The following ARPP21 variants were observed in gnomAD, a reference collection of about 807,000 sequenced individuals.
ARPP21 encodes the protein cAMP-regulated phosphoprotein 21.
Under a neutral mutation model 113.2 loss-of-function variants are expected in ARPP21, and 69 were observed. The observed-to-expected ratio is 0.61, with a 90% CI of 0.50 to 0.74. The LOEUF (loss-of-function observed/expected upper bound fraction) is 0.74. Among genes scored for constraint, ARPP21 ranks in the 30% least tolerant of loss-of-function variants. ARPP21 has a pLI of 0.00. For missense variants in ARPP21, 1,070 were observed against 1,037.4 expected, an observed-to-expected ratio of 1.03 and a Z score of -0.43; for synonymous variants, 368 against 375.5, an observed-to-expected ratio of 0.98 and a Z score of 0.23.
At chr3:35,775,318 C>G (rs928017887) in intron 19 of ARPP21, among the ~76,000 whole-genome samples, 1 of 152,090 alleles carries the variant, frequency 6.6e-6, no homozygotes, top group African/African-American at 2.4e-5. Context: ...TTATCAGGAG[C>G]GCAGAATGAA....
rs576502032 is a variant in ARPP21 at position 35,751,287 on chromosome 3, G to T, written c.2137+7322G>T. On this transcript the variant is annotated intron_variant, in intron 19 of 20. Transcript: ENST00000684406. ...CCCTACTCCCAACTATCTGCTGAATGATTCATTTTGGGTAAAAAGCAGTTT... is the reference window on the plus strand; with the variant it reads ...CCCTACTCCCAACTATCTGCTGAATTATTCATTTTGGGTAAAAAGCAGTTT... Among the ~76,000 whole-genome samples the T allele has an allele frequency of 2.0e-5, 3 of 152,212 alleles. No individual in the cohort carries two copies. In the East Asian group the frequency reaches 5.8e-4, roughly 29 times the overall value.
At position 35,690,097 on chromosome 3, in the gene ARPP21, T is replaced by C; in HGVS notation, c.502T>C (p.Leu168=). 1 of 1,469,292 alleles carries C rather than the reference T, an allele frequency of 6.8e-7. No individual in the cohort carries two copies. Among genetic ancestry groups the C allele is most frequent in the Non-Finnish European group, 9.5e-7 (1 of 1,049,480 alleles). The allele number at this position is 1,469,292 out of a possible 1,614,324, so 91.0% of individuals were successfully genotyped here. Residue 168 remains leucine, a synonymous_variant, in exon 8 of 21, where the codon TTG becomes CTG. Transcript: ENST00000684406. The part of the protein sequence containing the change: ...KNNSRDRMIL[L]KMEQEIIDFI... ...ATTTTGCAGGGACAGGATGATACTT[T>C]TGAAAATGGAGCAGGAAATTATTGA...
chr3:35,717,395 A>T (rs1205682608), intron 13 of ARPP21, 38 bp downstream of exon 13: 1 of 1,249,434 alleles, frequency 8.0e-7, no homozygotes, highest in African/African-American at 1.5e-5. Context: ...TGTTTTTTTC[A>T]AATTATGTGG....
chr3:35,705,305 T>G (rs2088398305), intron 9 of ARPP21, among the ~76,000 whole-genome samples: 1 of 152,198 alleles, frequency 6.6e-6, no homozygotes, highest in Non-Finnish European at 1.5e-5. Flanking sequence ...CTGTAATATC[T>G]TTACAGTGTA....
rs145657305 is a variant in ARPP21 at position 35,739,389 on chromosome 3, C to G, written c.1822C>G (p.Pro608Ala). The change falls in exon 18 of 21, where the codon CCA becomes GCA. Residue 608 changes from proline to alanine, a missense_variant. Pro to Ala is a conservative substitution (Grantham distance 27). Coordinates refer to ENST00000684406, the MANE Select transcript of ARPP21 (RefSeq NM_001385562.1). ...RQSSGETPEP[P>A]SGPVYPSSLM... is the part of the protein sequence containing the mutation. ...GTCCTCGGGGGAGACTCCTGAACCC[C>G]CATCAGGTCCTGTCTACCCATCCTC... The G allele has an allele frequency of 2.5e-6, 4 of 1,614,134 alleles. No individual in the cohort carries two copies. Among genetic ancestry groups the G allele is most frequent in the Admixed American group, 3.3e-5 (2 of 60,014 alleles).
chr3:35,781,787 G>A (rs3772397), intron 19 of ARPP21, among the ~76,000 whole-genome samples: 4,592 of 152,174 alleles, frequency 0.03, 140 homozygotes, highest in South Asian at 0.12. Flanking sequence ...CAAAATAATG[G>A]AGAATCAGAG....
chr3:35,674,728 G>T (rs2077075826), intron 1 of ARPP21, among the ~76,000 whole-genome samples: 1 of 151,816 alleles, frequency 6.6e-6, no homozygotes, highest in Non-Finnish European at 1.5e-5. Context: ...GAGAAGCTGA[G>T]CATAATATTT....
intron 19 of ARPP21, among the ~76,000 whole-genome samples, chr3:35,780,020 G>A (rs1260644702): frequency 1.3e-5 from 2 of 152,168 alleles, no homozygotes; most frequent in East Asian, 3.9e-4. Flanking sequence ...TGTCTGTCCA[G>A]ATTTTTTTAC....
In ARPP21 at chr3:35,715,460, C is replaced by G. The variant is rs74492876; in HGVS notation, c.919C>G (p.Leu307Val). 0.03 allele frequency: 48,807 copies of G among 1,611,304 alleles called. 902 individuals carry two copies. The highest frequency in any genetic ancestry group is 0.036 in the Non-Finnish European group (42,432 of 1,177,806). The change falls in exon 12 of 21, where the codon CTT becomes GTT. Residue 307 changes from leucine (L) to valine (V), a missense_variant. Physicochemically the swap from Leu to Val is conservative, Grantham distance 32. Coordinates refer to ENST00000684406, the MANE Select transcript of ARPP21 (RefSeq NM_001385562.1). ...TCAGTCAGTTTGCTCCCAGGAAAGC[C>G]TTTTTGTGGAAAACAGGTAAAATAA... ...AHDSVCSQES[L>V]FVENSRLLED... is the part of the protein sequence containing the mutation.
rs542681529 is a variant in ARPP21, at chr3:35,738,434, G to A, written c.1749+116G>A. ...GTGGGTGCCCTGGGCTGACTGTGAG[G>A]GGGTATGTGCGAATGTCTCATTTCT... On this transcript the variant is annotated intron_variant, in intron 17 of 20. Transcript: ENST00000684406. 1.2e-5 allele frequency: 9 copies of A among 738,608 alleles called. No individual in the cohort carries two copies. The East Asian group carries it at 2.4e-4, about 20-fold the overall frequency. 45.8% of individuals were successfully genotyped at this position (738,608 alleles called of 1,614,324 possible).
chr3:35,689,250 T>G (rs2081534237), intron 6 of ARPP21, 57 bp from the exon 7 acceptor site: 2 of 839,656 alleles, frequency 2.4e-6, no homozygotes, highest in Non-Finnish European at 4.2e-6. Context: ...GGGAAACCTT[T>G]TCTACCCCAC....
At chr3:35,762,134 A>T (rs1356278798) in intron 19 of ARPP21, among the ~76,000 whole-genome samples, 145 of 142,152 alleles carry the variant, frequency 1.0e-3, no homozygotes, top group African/African-American at 2.0e-3. Context: ...TCTCACACAC[A>T]CACACACACA....
chr3:35,750,122 T>A (rs1378797144), intron 19 of ARPP21, among the ~76,000 whole-genome samples: 1 of 151,222 alleles, frequency 6.6e-6, no homozygotes, highest in East Asian at 1.9e-4. Flanking sequence ...TCGCTTTTTT[T>A]TTTTTTTTTG....
Position 35,715,464 on chromosome 3 carries a change from T to C in ARPP21, c.923T>C (p.Phe308Ser), listed in dbSNP as rs749966311. 23 of 1,612,990 alleles carry C rather than the reference T, an allele frequency of 1.4e-5. No individual in the cohort carries two copies. Among genetic ancestry groups the C allele is most frequent in the Non-Finnish European group, 1.8e-5 (21 of 1,179,312 alleles). ...HDSVCSQESL[F>S]VENSRLLEDS... Reference sequence around the variant, plus strand: ...TCAGTTTGCTCCCAGGAAAGCCTTTTTGTGGAAAACAGGTAAAATAAAATT... The same window carrying C: ...TCAGTTTGCTCCCAGGAAAGCCTTTCTGTGGAAAACAGGTAAAATAAAATT... The change falls in exon 12 of 21, where the codon TTT becomes TCT. Residue 308 changes from phenylalanine (F) to serine (S), a missense_variant. Coordinates refer to ENST00000684406, the MANE Select transcript of ARPP21 (RefSeq NM_001385562.1).
chr3:35,718,676 G>A (rs1185726915), intron 13 of ARPP21, among the ~76,000 whole-genome samples: 1 of 152,118 alleles, frequency 6.6e-6, no homozygotes, highest in East Asian at 1.9e-4. Context: ...AGCAATTCAA[G>A]ATGTAGATCA....
At chr3:35,759,676 C>CTCTGTGTG (rs747297264) in intron 19 of ARPP21, among the ~76,000 whole-genome samples, 16 of 140,794 alleles carry the variant, frequency 1.1e-4, no homozygotes, top group African/African-American at 4.0e-4. Flanking sequence ...TTTTCTCTCT[C>CTCTGTGTG]TGTGTGTGTG....
At chr3:35,782,648 G>A (rs60423185) in intron 19 of ARPP21, among the ~76,000 whole-genome samples, 5,537 of 151,562 alleles carry the variant, frequency 0.037, 173 homozygotes, top group South Asian at 0.12. Flanking sequence ...CTTCTTGGTT[G>A]TATGCAACCG....
At chr3:35,657,177 C>T (rs914528554) in intron 1 of ARPP21, among the ~76,000 whole-genome samples, 17 of 152,048 alleles carry the variant, frequency 1.1e-4, no homozygotes, top group Non-Finnish European at 5.9e-5. Flanking sequence ...TTATTCCTCT[C>T]ATTTAGACTA....
intron 5 of ARPP21, chr3:35,684,066 T>C (rs2079806788): frequency 3.1e-6 from 5 of 1,593,762 alleles, no homozygotes; most frequent in Non-Finnish European, 2.6e-6. Context: ...AGAATTTAGA[T>C]TAAAAGTTAA....
Sources: gnomAD v4.1 joint callset for allele counts (sites outside exome capture counted in the v4.1 genomes callset) on GRCh38, gnomAD v4.1.1 for gene constraint, MANE v1.5 for transcripts, NCBI Gene and HGNC (gene_info 2026-07-23, HGNC 2026-07-21) for gene names.